The following OPCML variants were observed in gnomAD, a reference collection of about 807,000 sequenced individuals.
OPCML encodes opioid binding protein/cell adhesion molecule like, also known as opioid-binding protein/cell adhesion molecule.
A neutral mutation model predicts 37.8 loss-of-function variants in OPCML; 13 were observed. The observed-to-expected ratio is 0.34, with a 90% confidence interval of 0.22 to 0.55. The LOEUF (loss-of-function observed/expected upper bound fraction) is 0.55, where lower values mean the gene tolerates loss of function less well. OPCML is among the 20% of genes least tolerant of loss of function. OPCML has a pLI of 0.91. For synonymous variants in OPCML, 176 were observed against 168.8 expected, an observed-to-expected ratio of 1.04 and a Z score of -0.33; for missense variants, 341 against 435.6, an observed-to-expected ratio of 0.78 and a Z score of 1.93.
At chr11:133,012,642 G>A (rs569008242) in intron 1 of OPCML, among the ~76,000 whole-genome samples, 20 of 152,210 alleles carry the variant, frequency 1.3e-4, no homozygotes, top group Non-Finnish European at 1.3e-4. Context: ...TTGGGAGGCC[G>A]AGGTGGGTGG....
intron 2 of OPCML, among the ~76,000 whole-genome samples, chr11:132,776,164 G>A (rs1031702096): frequency 6.6e-6 from 1 of 152,114 alleles, no homozygotes; most frequent in Admixed American, 6.5e-5. Context: ...CCTGTCCTCA[G>A]GTGATCCGCC....
chr11:133,339,451 C>T (rs577371706), intron 1 of OPCML, among the ~76,000 whole-genome samples: 208 of 152,302 alleles, frequency 1.4e-3, no homozygotes, highest in Middle Eastern at 0.014. Context: ...GGGAGGGCTG[C>T]CCACTGTTTC....
intron 4 of OPCML, among the ~76,000 whole-genome samples, chr11:132,488,375 C>CCTA (rs2096206420): frequency 6.6e-6 from 1 of 152,180 alleles, no homozygotes; most frequent in Non-Finnish European, 1.5e-5. Flanking sequence ...GATGGTACAG[C>CCTA]CTACTATACA....
chr11:133,045,475 A>G (rs1440600158), intron 1 of OPCML, among the ~76,000 whole-genome samples: 2 of 152,176 alleles, frequency 1.3e-5, no homozygotes, highest in Non-Finnish European at 2.9e-5. Flanking sequence ...AGAGCTCTGA[A>G]AAGGAGTGGC....
chr11:133,347,210 G>C (rs989150157), intron 1 of OPCML, among the ~76,000 whole-genome samples: 1 of 152,264 alleles, frequency 6.6e-6, no homozygotes, highest in African/African-American at 2.4e-5. Context: ...TGTAAAGCAC[G>C]TGTGGCCTGA....
At chr11:133,026,066 C>T (rs553321358) in intron 1 of OPCML, 18 of 985,134 alleles carry the variant, frequency 1.8e-5, no homozygotes, top group South Asian at 1.4e-4. Context: ...TATTGTTTCT[C>T]TCATCATGAC....
At chr11:133,084,439 G>C (rs1332954184) in intron 1 of OPCML, among the ~76,000 whole-genome samples, 1 of 152,212 alleles carries the variant, frequency 6.6e-6, no homozygotes, top group Non-Finnish European at 1.5e-5. Flanking sequence ...CTTCAGCTGA[G>C]AGATTCAGCT....
intron 1 of OPCML, among the ~76,000 whole-genome samples, chr11:132,987,338 G>A (rs1308858352): frequency 2.0e-5 from 3 of 152,182 alleles, no homozygotes; most frequent in Non-Finnish European, 4.4e-5. Flanking sequence ...TAGGGGAGAA[G>A]CTTTCATGTA....
chr11:133,498,523 A>G (rs1308945342), intron 1 of OPCML, among the ~76,000 whole-genome samples: 1 of 152,200 alleles, frequency 6.6e-6, no homozygotes, highest in Non-Finnish European at 1.5e-5. Flanking sequence ...TCCTCGCACC[A>G]TCTGGGCCTC....
chr11:133,041,528 G>T (rs1204529961), intron 1 of OPCML, among the ~76,000 whole-genome samples: 1 of 152,206 alleles, frequency 6.6e-6, no homozygotes, highest in Non-Finnish European at 1.5e-5. Flanking sequence ...TTCCAGGAAA[G>T]GAGAAAGGCA....
At chr11:132,616,035 T>C (rs1038846910) in intron 3 of OPCML, among the ~76,000 whole-genome samples, 1 of 152,008 alleles carries the variant, frequency 6.6e-6, no homozygotes, top group Admixed American at 6.5e-5. Context: ...CAACACCTAT[T>C]TGGGCAAAAA....
At chr11:133,052,665 T>G (rs549322795) in intron 1 of OPCML, among the ~76,000 whole-genome samples, 3 of 152,298 alleles carry the variant, frequency 2.0e-5, no homozygotes, top group African/African-American at 4.8e-5. Context: ...GAGAACACTG[T>G]GTGTCCTTGG....
At chr11:132,425,041 G>A (rs182572950) in intron 7 of OPCML, among the ~76,000 whole-genome samples, 2 of 152,292 alleles carry the variant, frequency 1.3e-5, no homozygotes, top group African/African-American at 2.4e-5. Context: ...TTCCTGGCTA[G>A]GTCAAAGGGT....
chr11:132,980,019 G>T (rs1192580580), intron 1 of OPCML, among the ~76,000 whole-genome samples: 2 of 152,208 alleles, frequency 1.3e-5, no homozygotes, highest in Non-Finnish European at 2.9e-5. Flanking sequence ...AGAGGTTATT[G>T]CCCTTAAGGA....
chr11:133,340,178 G>C (rs545561251), intron 1 of OPCML, among the ~76,000 whole-genome samples: 101 of 152,312 alleles, frequency 6.6e-4, no homozygotes, highest in African/African-American at 2.2e-3. Context: ...TGCTGCCCCT[G>C]GGCCTTGTCT....
intron 1 of OPCML, among the ~76,000 whole-genome samples, chr11:133,410,177 C>T (rs1945613775): frequency 6.6e-6 from 1 of 152,136 alleles, no homozygotes; most frequent in African/African-American, 2.4e-5. Flanking sequence ...TTTCCAGCTA[C>T]CCCACCAGCG....
At chr11:132,594,599 A>G (rs780521133) in intron 3 of OPCML, among the ~76,000 whole-genome samples, 7 of 152,220 alleles carry the variant, frequency 4.6e-5, no homozygotes, top group African/African-American at 7.2e-5. Flanking sequence ...TACCATATTC[A>G]TTTCAGAATG....
At chr11:132,906,416 C>T (rs1449103210) in intron 2 of OPCML, among the ~76,000 whole-genome samples, 1 of 152,212 alleles carries the variant, frequency 6.6e-6, no homozygotes, top group Non-Finnish European at 1.5e-5. Context: ...AAGAACCGCC[C>T]TTTCTAGAAA....
At chr11:133,453,533 T>G (rs963578042) in intron 1 of OPCML, among the ~76,000 whole-genome samples, 1 of 152,208 alleles carries the variant, frequency 6.6e-6, no homozygotes, top group African/African-American at 2.4e-5. Flanking sequence ...AACATATAGA[T>G]TGCATTAAAA....
Sources: allele counts gnomAD v4.1 joint callset (sites outside exome capture counted in the v4.1 genomes callset), GRCh38; gene constraint gnomAD v4.1.1; transcripts MANE v1.5; gene names NCBI Gene and HGNC (gene_info 2026-07-23, HGNC 2026-07-21).